The following BACE1 variants were observed in gnomAD, a reference collection of about 807,000 sequenced individuals.
BACE1 encodes the protein beta-secretase 1.
BACE1 carries 21 observed loss-of-function variants against 54.0 expected under a neutral mutation model. The ratio of observed to expected loss-of-function variants is 0.39; its 90% CI spans 0.28 to 0.56. The LOEUF (loss-of-function observed/expected upper bound fraction) is 0.56, where lower values mean the gene tolerates loss of function less well. Ranked by LOEUF, BACE1 falls within the 20% of genes least tolerant of loss-of-function variation. The pLI is 0.63. For synonymous variants in BACE1, 232 were observed against 260.9 expected (o/e 0.89, Z 1.07); for missense variants, 511 against 661.2 (o/e 0.77, Z 2.49).
chr11:117,312,742 C>T (rs539518781), intron 1 of BACE1, among the ~76,000 whole-genome samples: 11 of 152,192 alleles, frequency 7.2e-5, no homozygotes, highest in African/African-American at 1.4e-4. Flanking sequence ...GGATTACAGG[C>T]GTGAGCCACC....
chr11:117,298,858 T>A (rs1032829568), intron 1 of BACE1, among the ~76,000 whole-genome samples: 10 of 152,258 alleles, frequency 6.6e-5, no homozygotes, highest in African/African-American at 2.2e-4. Flanking sequence ...CAGGCTGGAG[T>A]GCAATGGCGC....
In BACE1 at chr11:117,291,754, T is replaced by G; in HGVS notation, c.900A>C (p.Lys300Asn). 1 of 1,613,696 alleles carries G rather than the reference T, an allele frequency of 6.2e-7. No homozygotes were observed. The highest frequency in any genetic ancestry group is 1.1e-5 in the South Asian group (1 of 91,086). Residue 300 changes from lysine to asparagine, a missense_variant, in exon 6 of 9, where the codon AAA (lysine) becomes AAC (asparagine). By Grantham distance (94) the Lys-to-Asn change is moderately conservative. Around this residue, in one of 2 missense-constraint regions of BACE1, gnomAD observed 407 missense variants for 565.7 expected, o/e 0.72. Coordinates refer to ENST00000313005, the MANE Select transcript of BACE1 (RefSeq NM_012104.6). ...SGTTNLRLPK[K>N]VFEAAVKSIK... ...TGGATTTGACTGCAGCTTCAAACAC[T>G]TTCTTGGGCAAACGAAGGTTGGTGG...
At chr11:117,306,603 GT>G (rs1041587383) in intron 1 of BACE1, among the ~76,000 whole-genome samples, 2 of 152,116 alleles carry the variant, frequency 1.3e-5, no homozygotes, top group Non-Finnish European at 2.9e-5. Context: ...AGGTCAAGGA[GT>G]TTGAGACCAT....
intron 2 of BACE1, among the ~76,000 whole-genome samples, chr11:117,296,296 A>G (rs1236052062): frequency 1.3e-5 from 2 of 150,690 alleles, no homozygotes; most frequent in Admixed American, 6.6e-5. Context: ...TTTCACCAGT[A>G]AGCTGAATCC....
At chr11:117,303,893 T>C (rs2034776192) in intron 1 of BACE1, among the ~76,000 whole-genome samples, 1 of 152,194 alleles carries the variant, frequency 6.6e-6, no homozygotes, top group Non-Finnish European at 1.5e-5. Flanking sequence ...AAGTGAGACC[T>C]AGAGTGAGTA....
At chr11:117,291,615 A>G (rs558111269) in intron 6 of BACE1, 97 bp downstream of exon 6, 3 of 868,748 alleles carry the variant, frequency 3.5e-6, no homozygotes, top group East Asian at 5.2e-5. Flanking sequence ...AGAAGGGTCT[A>G]AGTGCAGACA....
intron 1 of BACE1, among the ~76,000 whole-genome samples, chr11:117,298,743 T>C (rs1344761658): frequency 6.6e-6 from 1 of 152,236 alleles, no homozygotes; most frequent in Admixed American, 6.5e-5. Flanking sequence ...GTCAGGGCCC[T>C]GGATTTGGCT....
chr11:117,302,999 A>G (rs1307635912), intron 1 of BACE1, among the ~76,000 whole-genome samples: 1 of 152,254 alleles, frequency 6.6e-6, no homozygotes, highest in Non-Finnish European at 1.5e-5. Flanking sequence ...CTACTAAGGT[A>G]TCACGGTGCC....
intron 1 of BACE1, among the ~76,000 whole-genome samples, chr11:117,305,893 G>A (rs1026071046): frequency 1.3e-5 from 2 of 152,052 alleles, no homozygotes; most frequent in Non-Finnish European, 2.9e-5. Context: ...AAAATTAGCC[G>A]GGCGTGATGG....
At chr11:117,296,118 C>G (rs771084603) in intron 2 of BACE1, among the ~76,000 whole-genome samples, 2 of 152,192 alleles carry the variant, frequency 1.3e-5, no homozygotes, top group South Asian at 2.1e-4. Context: ...CCTCTACTCA[C>G]GTTTGCACAC....
rs1391381303 is a variant in BACE1, at chr11:117,291,760, G to A, written c.894C>T (p.Pro298=). The A allele has an allele frequency of 6.2e-7, 1 of 1,613,526 alleles. No individual in the cohort carries two copies. Residue 298 remains proline, a synonymous_variant, in exon 6 of 9, where the codon CCC becomes CCT. Transcript: ENST00000313005. ...VDSGTTNLRL[P]KKVFEAAVKS... is the part of the protein sequence containing the mutation. ...TGACTGCAGCTTCAAACACTTTCTT[G>A]GGCAAACGAAGGTTGGTGGTGCCAC... is the stretch of plus-strand genomic sequence containing the variant.
At chr11:117,305,553 C>A (rs1439545391) in intron 1 of BACE1, among the ~76,000 whole-genome samples, 3 of 151,622 alleles carry the variant, frequency 2.0e-5, no homozygotes, top group South Asian at 2.1e-4. Context: ...TTCAAGGAGT[C>A]CCAATGTGGC....
intron 1 of BACE1, among the ~76,000 whole-genome samples, chr11:117,306,029 C>T (rs1300054787): frequency 6.6e-6 from 1 of 152,064 alleles, no homozygotes; most frequent in Non-Finnish European, 1.5e-5. Flanking sequence ...GAGTGAGACT[C>T]CGTCTCAAAA....
chr11:117,295,669 G>A (rs1386426636), intron 2 of BACE1: 6 of 1,521,402 alleles, frequency 3.9e-6, no homozygotes, highest in Non-Finnish European at 5.3e-6. Context: ...GGGACAGCTA[G>A]TGGGCATCTC....
chr11:117,295,411 A>G, intron 2 of BACE1, 64 bp from the exon 3 acceptor site: 1 of 1,578,230 alleles, frequency 6.3e-7, no homozygotes, highest in Non-Finnish European at 8.6e-7. Flanking sequence ...TCTAAGTTAA[A>G]CTTACTCCCA....
At chr11:117,304,823 G>A (rs906544742) in intron 1 of BACE1, among the ~76,000 whole-genome samples, 11 of 152,082 alleles carry the variant, frequency 7.2e-5, no homozygotes, top group Non-Finnish European at 1.3e-4. Context: ...GCTCCACCAA[G>A]GGTAGGGAGC....
chr11:117,299,693 C>T (rs1411462710), intron 1 of BACE1: 1 of 404,736 alleles, frequency 2.5e-6, no homozygotes, highest in South Asian at 1.7e-5. Flanking sequence ...GCCACCAGCT[C>T]CAGATGCTGT....
At chr11:117,302,664 T>C (rs2034750864) in intron 1 of BACE1, among the ~76,000 whole-genome samples, 1 of 152,110 alleles carries the variant, frequency 6.6e-6, no homozygotes, top group South Asian at 2.1e-4. Context: ...GGGCAGATCA[T>C]TTGAAGTCAA....
chr11:117,310,533 G>C (rs1166573289), intron 1 of BACE1, among the ~76,000 whole-genome samples: 1 of 152,128 alleles, frequency 6.6e-6, no homozygotes, highest in Non-Finnish European at 1.5e-5. Flanking sequence ...CAATTCTCCT[G>C]TCTCAGCCTC....
Sources: gnomAD v4.1 joint callset for allele counts (sites outside exome capture counted in the v4.1 genomes callset) on GRCh38, gnomAD v4.1.1 for gene constraint, gnomAD v4.1.1 regional missense constraint, MANE v1.5 for transcripts, NCBI Gene and HGNC (gene_info 2026-07-23, HGNC 2026-07-21) for gene names.